Variants in IGFBP7 observed in about 807,000 individuals in gnomAD.
IGFBP7 encodes insulin-like growth factor-binding protein 7.
Under a neutral mutation model 29.4 loss-of-function variants are expected in IGFBP7, and 31 were observed. The ratio of observed to expected loss-of-function variants is 1.05; its 90% confidence interval spans 0.79 to 1.42. IGFBP7 has a LOEUF of 1.42. Among genes scored for constraint, IGFBP7 ranks in the 40% most tolerant of loss-of-function variants. The pLI is 0.00. For missense variants in IGFBP7, 393 were observed against 395.5 expected (o/e 0.99, Z 0.05); for synonymous variants, 172 against 174.9 (o/e 0.98, Z 0.13).
intron 1 of IGFBP7, among the ~76,000 whole-genome samples, chr4:57,056,360 G>C (rs556508914): frequency 6.6e-6 from 1 of 152,130 alleles, no homozygotes; most frequent in Non-Finnish European, 1.5e-5. Flanking sequence ...CGCTAGTGTA[G>C]GGCTAGTTCT....
intron 1 of IGFBP7, among the ~76,000 whole-genome samples, chr4:57,046,530 G>A (rs1048377664): frequency 2.0e-5 from 3 of 152,042 alleles, no homozygotes; most frequent in African/African-American, 7.2e-5. Context: ...CCAGGTCAAG[G>A]GTAATAACAA....
intron 1 of IGFBP7, among the ~76,000 whole-genome samples, chr4:57,067,589 G>C (rs1718854): frequency 0.61 from 92,009 of 152,010 alleles, 28,929 homozygotes; most frequent in Middle Eastern, 0.7. Context: ...TAAAATTCTA[G>C]AGACCTGCTG....
intron 1 of IGFBP7, among the ~76,000 whole-genome samples, chr4:57,081,734 C>T (rs189607785): frequency 9.2e-5 from 14 of 152,140 alleles, no homozygotes; most frequent in African/African-American, 2.7e-4. Context: ...GTTCTGAGTC[C>T]GCTGGGGCCT....
chr4:57,074,696 A>T (rs1725178667), intron 1 of IGFBP7, among the ~76,000 whole-genome samples: 1 of 152,246 alleles, frequency 6.6e-6, no homozygotes, highest in South Asian at 2.1e-4. Context: ...TCTTTTAAAC[A>T]CTTTTTCAGA....
intron 1 of IGFBP7, among the ~76,000 whole-genome samples, chr4:57,048,022 C>G (rs186227037): frequency 6.6e-6 from 1 of 152,126 alleles, no homozygotes; most frequent in East Asian, 1.9e-4. Context: ...GTGTAAGTCA[C>G]CATGCCTGGC....
At chr4:57,083,434 C>T (rs1314480473) in intron 1 of IGFBP7, among the ~76,000 whole-genome samples, 1 of 152,198 alleles carries the variant, frequency 6.6e-6, no homozygotes, top group Admixed American at 6.5e-5. Context: ...TGTTTAATGG[C>T]CACTTGCAGT....
At chr4:57,076,611 C>T (rs757775048) in intron 1 of IGFBP7, among the ~76,000 whole-genome samples, 38 of 152,170 alleles carry the variant, frequency 2.5e-4, no homozygotes, top group Non-Finnish European at 4.0e-4. Context: ...AGAGTAGAAC[C>T]GACAGATTAA....
chr4:57,090,771 C>A (rs1725619452), intron 1 of IGFBP7, among the ~76,000 whole-genome samples: 2 of 152,028 alleles, frequency 1.3e-5, no homozygotes, highest in Admixed American at 1.3e-4. Flanking sequence ...TTGCTTGAAC[C>A]CGGGAGGCAG....
In IGFBP7 at chr4:57,109,980, G is replaced by T. The variant is rs1726139792; in HGVS notation, c.372C>A (p.Gly124=). The stretch of plus-strand genomic sequence containing the variant: ...GCTGGCAGCCGCTCGGGTAGGTGGT[G>T]CCGTCGCTGCCGCACACCGGGTAGC... ...KSRYPVCGSD[G]TTYPSGCQLR... is the part of the protein sequence containing the mutation. Residue 124 remains glycine (G), a synonymous_variant, in exon 1 of 5, where the codon GGC becomes GGA. Transcript: ENST00000295666. The T allele has an allele frequency of 3.2e-6, 5 of 1,545,140 alleles. No homozygotes were observed. The highest frequency in any genetic ancestry group is 4.3e-6 in the Non-Finnish European group (5 of 1,151,162).
At chr4:57,066,967 T>C (rs1724933961) in intron 1 of IGFBP7, among the ~76,000 whole-genome samples, 1 of 148,494 alleles carries the variant, frequency 6.7e-6, no homozygotes, top group South Asian at 2.1e-4. Context: ...TAATCTCTTT[T>C]TGGAAGGTTT....
chr4:57,069,154 T>C (rs949750641), intron 1 of IGFBP7, among the ~76,000 whole-genome samples: 4 of 152,190 alleles, frequency 2.6e-5, no homozygotes, highest in Non-Finnish European at 5.9e-5. Flanking sequence ...TCATGTACTT[T>C]CCTGGCATTG....
At chr4:57,109,456 T>C (rs1466793633) in intron 1 of IGFBP7, among the ~76,000 whole-genome samples, 1 of 151,850 alleles carries the variant, frequency 6.6e-6, no homozygotes, top group Non-Finnish European at 1.5e-5. Flanking sequence ...TGTCTGGAAG[T>C]CCTTACTTTA....
At chr4:57,054,684 C>A (rs889409925) in intron 1 of IGFBP7, among the ~76,000 whole-genome samples, 5 of 148,186 alleles carry the variant, frequency 3.4e-5, no homozygotes, top group Non-Finnish European at 7.5e-5. Context: ...AATAGATGTG[C>A]CCCTGGGGAA....
chr4:57,053,456 C>T (rs553320547), intron 1 of IGFBP7, among the ~76,000 whole-genome samples: 6 of 152,234 alleles, frequency 3.9e-5, no homozygotes, highest in African/African-American at 9.6e-5. Context: ...TGGTGTCATT[C>T]TTGAAGGGAC....
intron 1 of IGFBP7, among the ~76,000 whole-genome samples, chr4:57,071,367 G>A (rs188831892): frequency 6.6e-6 from 1 of 152,338 alleles, no homozygotes; most frequent in Admixed American, 6.5e-5. Context: ...GGATCTGTCA[G>A]TAGGAGGCCT....
At position 57,092,913 on chromosome 4, in the gene IGFBP7, A is replaced by G. The variant is rs192858042; in HGVS notation, c.475+16964T>C. On this transcript the variant is annotated intron_variant, in intron 1 of 4. Transcript: ENST00000295666. ...TTATAAATTTAAAATTTGCAAATATATGGACTCCACATTTGCAAATTCACC... is the reference window on the plus strand; with the variant it reads ...TTATAAATTTAAAATTTGCAAATATGTGGACTCCACATTTGCAAATTCACC... 1.3e-3 allele frequency among the ~76,000 whole-genome samples: 192 copies of G among 151,998 alleles called. 1 individual carries two copies. The highest frequency in any genetic ancestry group is 2.2e-3 in the Non-Finnish European group (151 of 67,954).
chr4:57,049,199 A>T (rs1724441173), intron 1 of IGFBP7, among the ~76,000 whole-genome samples: 1 of 151,790 alleles, frequency 6.6e-6, no homozygotes, highest in Non-Finnish European at 1.5e-5. Flanking sequence ...TTTTTTTTTC[A>T]TCTGAAAGAG....
intron 1 of IGFBP7, among the ~76,000 whole-genome samples, chr4:57,099,479 CA>C (rs554014014): frequency 6.6e-6 from 1 of 152,130 alleles, no homozygotes; most frequent in African/African-American, 2.4e-5. Flanking sequence ...GTGCTGGAGT[CA>C]GGGGTTAAGG....
In IGFBP7 at chr4:57,068,899, A is replaced by G. The variant is rs141474405; in HGVS notation, c.476-27966T>C. 2.9e-3 allele frequency among the ~76,000 whole-genome samples: 444 copies of G among 152,254 alleles called. 2 individuals are homozygous for G. The highest frequency in any genetic ancestry group is 0.01 in the African/African-American group (424 of 41,552). ...TTTGCTACTTTTTTTTTTACAATAA[A>G]AGCTAATTCTGTGAAGCTTTCCATG... is the stretch of plus-strand genomic sequence containing the variant. On this transcript the variant is annotated intron_variant, in intron 1 of 4. Coordinates refer to ENST00000295666, the MANE Select transcript of IGFBP7 (RefSeq NM_001553.3).
Sources: gnomAD v4.1 joint callset for allele counts (sites outside exome capture counted in the v4.1 genomes callset) on GRCh38, gnomAD v4.1.1 for gene constraint, MANE v1.5 for transcripts, NCBI Gene and HGNC (gene_info 2026-07-23, HGNC 2026-07-21) for gene names.